Variants in TRPV2 observed in about 807,000 individuals in gnomAD.
TRPV2 encodes OTRPC2.
Under a neutral mutation model 91.0 loss-of-function variants are expected in TRPV2, and 58 were observed. The ratio of observed to expected loss-of-function variants is 0.64; its 90% confidence interval spans 0.52 to 0.79. The LOEUF is 0.79. Among genes scored for constraint, TRPV2 ranks in the 30% least tolerant of loss-of-function variants. The pLI, the probability that TRPV2 is intolerant of heterozygous loss-of-function variation, is 0.00. For missense variants in TRPV2, 807 were observed against 969.6 expected, an observed-to-expected ratio of 0.83 and a Z score of 2.23; for synonymous variants, 417 against 414.8, an observed-to-expected ratio of 1.01 and a Z score of -0.06.
chr17:16,428,293 C>T (rs2093393757), intron 8 of TRPV2, 24 bp from the exon 9 acceptor site: 8 of 1,612,872 alleles, frequency 5.0e-6, no homozygotes, highest in Non-Finnish European at 6.8e-6. Flanking sequence ...GTTTCACAGC[C>T]CTCTGTCCTC....
At chr17:16,424,795 T>C (rs989506788) in intron 5 of TRPV2, among the ~76,000 whole-genome samples, 2 of 151,780 alleles carry the variant, frequency 1.3e-5, no homozygotes, top group African/African-American at 2.4e-5. Flanking sequence ...TTTTTTGCTA[T>C]ACAGGATTTA....
In TRPV2 at chr17:16,427,353, G is replaced by A. The variant is rs962130595; in HGVS notation, c.1252-96G>A. On this transcript the variant is annotated intron_variant, in intron 7 of 14. Transcript: ENST00000338560. ...TGCCGTTCTGAGGAGCCTCTCCACAGCTCAGGCTCAGAGTAGGCCCTCAGC... is the reference window on the plus strand; with the variant it reads ...TGCCGTTCTGAGGAGCCTCTCCACAACTCAGGCTCAGAGTAGGCCCTCAGC... The A allele has an allele frequency of 2.5e-6, 3 of 1,220,606 alleles. No homozygotes were observed. The African/African-American group carries it at 4.5e-5, about 18-fold the overall frequency. The allele number at this position is 1,220,606 out of a possible 1,614,324, so 75.6% of individuals were successfully genotyped here. A position where few individuals can be genotyped will look rare whatever the true frequency, so the allele number is the denominator to read the frequency against.
chr17:16,434,807 A>T, intron 13 of TRPV2, 83 bp from the exon 14 acceptor site: 2 of 1,372,528 alleles, frequency 1.5e-6, no homozygotes, highest in Non-Finnish European at 2.0e-6. Flanking sequence ...TAGTCTCCCA[A>T]TTTGGGGGGC....
intron 8 of TRPV2, 52 bp downstream of exon 8, chr17:16,427,599 CA>C (rs751323433): frequency 6.4e-7 from 1 of 1,553,956 alleles, no homozygotes; most frequent in South Asian, 1.2e-5. Flanking sequence ...AATTCTGCTT[CA>C]GGGGGCTTAG....
intron 13 of TRPV2, 38 bp downstream of exon 13, chr17:16,433,736 T>C (rs1442654206): frequency 6.2e-7 from 1 of 1,607,116 alleles, no homozygotes. Flanking sequence ...GGGGCCTTGC[T>C]GTCCAGCAAT....
At chr17:16,428,558 C>T (rs1451512412) in intron 9 of TRPV2, 171 bp downstream of exon 9, 2 of 776,036 alleles carry the variant, frequency 2.6e-6, no homozygotes, top group South Asian at 1.7e-5. Context: ...CCTGGGGCCC[C>T]TTGTGCTCCC....
At chr17:16,429,437 G>A (rs1426917319) in intron 10 of TRPV2, among the ~76,000 whole-genome samples, 2 of 152,186 alleles carry the variant, frequency 1.3e-5, no homozygotes, top group African/African-American at 2.4e-5. Flanking sequence ...GTTCTGGTGG[G>A]AGGAAATGAA....
rs1368419253 is a variant in TRPV2 at position 16,426,837 on chromosome 17, T to A, written c.1211T>A (p.Ile404Asn). 14 of 1,613,674 alleles carry A rather than the reference T, an allele frequency of 8.7e-6. No homozygotes were observed. The highest frequency in any genetic ancestry group is 1.2e-5 in the Non-Finnish European group (14 of 1,179,914). ...NFLCNLIYMF[I>N]FTAVAYHQPT... Reference sequence around the variant, plus strand: ...CTGTGTAATCTGATCTACATGTTCATCTTCACCGCTGTTGCCTACCATCAG... The same window carrying A: ...CTGTGTAATCTGATCTACATGTTCAACTTCACCGCTGTTGCCTACCATCAG... The change falls in exon 7 of 15, where the codon ATC becomes AAC. Residue 404 changes from isoleucine (I) to asparagine (N), a missense_variant. Coordinates refer to ENST00000338560, the MANE Select transcript of TRPV2 (RefSeq NM_016113.5). This position sits in a 1 kb window ranked among gnomAD's most constrained non-coding sequence, Gnocchi z 6.0.
At chr17:16,432,944 T>C (rs536290086) in intron 12 of TRPV2, among the ~76,000 whole-genome samples, 1 of 152,276 alleles carries the variant, frequency 6.6e-6, no homozygotes, top group East Asian at 1.9e-4. Flanking sequence ...TACCTAGGAT[T>C]ACAGGCATGT....
At chr17:16,428,421 GTCTC>G in intron 9 of TRPV2, 34 bp downstream of exon 9, 1 of 1,607,258 alleles carries the variant, frequency 6.2e-7, no homozygotes, top group Admixed American at 1.7e-5. Context: ...TCTCTCAACT[GTCTC>G]TGAGGTCTGG....
chr17:16,430,861 G>A (rs929862901), intron 10 of TRPV2, among the ~76,000 whole-genome samples: 5 of 151,952 alleles, frequency 3.3e-5, no homozygotes, highest in African/African-American at 9.7e-5. Context: ...TTCATCTGTC[G>A]ATCCAGTCAC....
intron 3 of TRPV2, among the ~76,000 whole-genome samples, chr17:16,422,074 G>T (rs911955278): frequency 6.6e-6 from 1 of 151,782 alleles, no homozygotes; most frequent in African/African-American, 2.4e-5. Context: ...GGAGGCCGAG[G>T]TGGGCAGATC....
rs780715869 is a variant in TRPV2 at position 16,434,938 on chromosome 17, G to A, written c.2163G>A (p.Leu721=). 5 of 1,611,464 alleles carry A rather than the reference G, an allele frequency of 3.1e-6. No homozygotes were observed. Among genetic ancestry groups the A allele is most frequent in the Non-Finnish European group, 4.2e-6 (5 of 1,178,954 alleles). ...WASWEQTLPT[L]CEDPSGAGVP... is the part of the protein sequence containing the mutation. ...CATGGGAGCAGACGCTGCCTACGCT[G>A]TGTGAGGACCCGTCAGGGGCAGGTG... Residue 721 remains leucine, a synonymous_variant, in exon 14 of 15, where the codon CTG becomes CTA. Coordinates refer to ENST00000338560, the MANE Select transcript of TRPV2 (RefSeq NM_016113.5).
At position 16,426,896 on chromosome 17, in the gene TRPV2, G is replaced by C. The variant is rs373565191; in HGVS notation, c.1251+19G>C. ...GAAGAAGGCAAGGGCGTGAGGTTTG[G>C]GGGGGCACATCTTGGGGGAGGCCTG... is the stretch of plus-strand genomic sequence containing the variant. On this transcript the variant is annotated intron_variant, in intron 7 of 14. Transcript: ENST00000338560. This position sits in a 1 kb window ranked among gnomAD's most constrained non-coding sequence, Gnocchi z 6.0. 1.7e-5 allele frequency: 27 copies of C among 1,608,052 alleles called. 1 individual carries two copies. Among genetic ancestry groups the C allele is most frequent in the Middle Eastern group, 1.7e-4 (1 of 6,002 alleles).
rs993842667 is a variant in TRPV2, at chr17:16,435,826, G to A, written c.2194+857G>A. ...TGCTGGTTTCCCAGGCTCCTGGGCC[G>A]TGACCACTGCCTCACATACAGATAG... On this transcript the variant is annotated intron_variant, in intron 14 of 14. Transcript: ENST00000338560. The surrounding 1 kb of genome is among the most constrained non-coding windows in gnomAD (Gnocchi z 4.2). Among the ~76,000 whole-genome samples the A allele has an allele frequency of 6.6e-6, 1 of 152,088 alleles. No individual in the cohort carries two copies. Among genetic ancestry groups the A allele is most frequent in the Non-Finnish European group, 1.5e-5 (1 of 68,002 alleles).
At chr17:16,428,519 C>A in intron 9 of TRPV2, 132 bp downstream of exon 9, 1 of 999,576 alleles carries the variant, frequency 1.0e-6, no homozygotes, top group Non-Finnish European at 1.6e-6. Flanking sequence ...GTGTACAGGC[C>A]AGTCCCAGGA....
chr17:16,432,434 T>C, intron 12 of TRPV2, 134 bp downstream of exon 12: 3 of 628,576 alleles, frequency 4.8e-6, no homozygotes, highest in Non-Finnish European at 7.8e-6. Flanking sequence ...TCAGTCTTCC[T>C]CTTCCTTTTT....
At chr17:16,430,037 G>A (rs2093402457) in intron 10 of TRPV2, among the ~76,000 whole-genome samples, 1 of 151,778 alleles carries the variant, frequency 6.6e-6, no homozygotes, top group African/African-American at 2.4e-5. Flanking sequence ...GCTAATTTTT[G>A]TATTTTTAGT....
intron 10 of TRPV2, among the ~76,000 whole-genome samples, chr17:16,429,298 G>A (rs1215300065): frequency 1.3e-5 from 2 of 152,192 alleles, no homozygotes; most frequent in Non-Finnish European, 1.5e-5. Context: ...GTGTGGGCGC[G>A]GGCATGTAAC....
Sources: gnomAD v4.1 joint callset for allele counts (sites outside exome capture counted in the v4.1 genomes callset) on GRCh38, gnomAD v4.1.1 for gene constraint, Gnocchi (gnomAD v3.1) non-coding constraint, MANE v1.5 for transcripts, NCBI Gene and HGNC (gene_info 2026-07-23, HGNC 2026-07-21) for gene names.